MED1: variants seen among roughly 807,000 people sequenced by gnomAD.
MED1 encodes the protein mediator of RNA polymerase II transcription subunit 1.
A neutral mutation model predicts 121.3 loss-of-function variants in MED1; 17 were observed. The observed-to-expected ratio is 0.14, with a 90% CI of 0.10 to 0.21. The LOEUF (loss-of-function observed/expected upper bound fraction) is 0.21. Ranked by LOEUF, MED1 falls within the 10% of genes least tolerant of loss-of-function variation. The pLI is 1.00. For synonymous variants in MED1, 661 were observed against 694.4 expected (o/e 0.95, Z 0.76); for missense variants, 1,558 against 1,919.4 (o/e 0.81, Z 3.52).
At chr17:39,412,006 CAAAA>C (rs72106224) in intron 16 of MED1, among the ~76,000 whole-genome samples, 2 of 133,902 alleles carry the variant, frequency 1.5e-5, no homozygotes, top group African/African-American at 2.9e-5. Flanking sequence ...GACTCCATCT[CAAAA>C]AAAAAAAAAA....
rs145032668 is a variant in MED1, at chr17:39,410,201, C to G, written c.2020G>C (p.Gly674Arg). 6.2e-7 allele frequency: 1 copy of G among 1,613,882 alleles called. No homozygotes were observed. Among genetic ancestry groups the G allele is most frequent in the Non-Finnish European group, 8.5e-7 (1 of 1,180,002 alleles). ...GAGCATATTTCCATGCGGGGTGAGC[C>G]GGAAGAGGAGTTCTGCCTTTCTAAA... ...SPLERQNSSS[G>R]SPRMEICSGS... Residue 674 changes from glycine to arginine, a missense_variant, in exon 17 of 17, where the codon GGC becomes CGC. Physicochemically the swap from Gly to Arg is moderately radical, Grantham distance 125. This residue lies in a region of MED1 where 793 missense variants were observed against 898.2 expected (regional missense o/e 0.88). Coordinates refer to ENST00000300651, the MANE Select transcript of MED1 (RefSeq NM_004774.4).
intron 9 of MED1, among the ~76,000 whole-genome samples, chr17:39,428,415 C>T (rs960087153): frequency 2.6e-5 from 4 of 151,934 alleles, no homozygotes; most frequent in South Asian, 4.2e-4. Context: ...ACCCAGGAAG[C>T]GGAGGTTACA....
Position 39,440,343 on chromosome 17 carries a change from A to G in MED1, c.399+43T>C. The G allele has an allele frequency of 6.6e-7, 1 of 1,522,492 alleles. No homozygotes were observed. Among genetic ancestry groups the G allele is most frequent in the Non-Finnish European group, 8.8e-7 (1 of 1,142,298 alleles). 94.3% of individuals were successfully genotyped at this position (1,522,492 alleles called of 1,614,324 possible). A position where few individuals can be genotyped will look rare whatever the true frequency, so the allele number is the denominator to read the frequency against. ...AATTAATTTTAAAATTAATGTCCCT[A>G]AGTAAACCCCACAGATTCCAGTGAA... is the stretch of plus-strand genomic sequence containing the variant. On this transcript the variant is annotated intron_variant, in intron 5 of 16. Transcript: ENST00000300651. This position sits in a 1 kb window ranked among gnomAD's most constrained non-coding sequence, Gnocchi z 4.1.
intron 5 of MED1, among the ~76,000 whole-genome samples, chr17:39,439,989 G>GAAA (rs1567651952): frequency 4.4e-4 from 40 of 91,934 alleles, no homozygotes; most frequent in African/African-American, 1.7e-3. Context: ...AAAGAAAGAA[G>GAAA]GAAGGAAGGA....
rs762249996 is a variant in MED1 at position 39,410,351 on chromosome 17, G to A, written c.1870C>T (p.Pro624Ser). The A allele has an allele frequency of 1.7e-5, 27 of 1,613,814 alleles. No individual in the cohort carries two copies. The East Asian group carries it at 6.0e-4, about 36-fold the overall frequency. ...GGSTIGSSPT[P>S]PHHTPPPVSS... ...ACAGGTGGCGGCGTGTGATGAGGAG[G>A]GGTCGGACTCGAGCCAATGGTAGAC... The change falls in exon 17 of 17, where the codon CCT (proline) becomes TCT (serine). Residue 624 changes from proline (P) to serine (S), a missense_variant. Pro to Ser is a moderately conservative substitution (Grantham distance 74, BLOSUM62 -1). Around this residue, in one of 5 missense-constraint regions of MED1, gnomAD observed 793 missense variants for 898.2 expected, o/e 0.88. Transcript: ENST00000300651.
rs1567651988 is a variant in MED1 at position 39,440,017 on chromosome 17, G to GGAAGGAAA, written c.399+368_399+369insTTTCCTTC. Among the ~76,000 whole-genome samples the GGAAGGAAA allele has an allele frequency of 7.0e-5, 9 of 128,746 alleles. No homozygotes were observed. The highest frequency in any genetic ancestry group is 2.6e-4 in the South Asian group (1 of 3,850). 84.5% of individuals were successfully genotyped at this position (128,746 alleles called of 152,430 possible). On this transcript the variant is annotated intron_variant, in intron 5 of 16. Coordinates refer to ENST00000300651, the MANE Select transcript of MED1 (RefSeq NM_004774.4). The surrounding 1 kb of genome is among the most constrained non-coding windows in gnomAD (Gnocchi z 4.1). The stretch of plus-strand genomic sequence containing the variant: ...AGGAAGGAAGGAAGGAAGGAAGGAA[G>GGAAGGAAA]GAAAGAAAGAAAGAAAGAGAGAAAG...
intron 7 of MED1, among the ~76,000 whole-genome samples, chr17:39,433,405 T>C (rs1005302093): frequency 6.6e-6 from 1 of 151,326 alleles, no homozygotes; most frequent in African/African-American, 2.4e-5. Context: ...TTTAAAACAT[T>C]AATTCTTGAC....
At chr17:39,416,192 T>G (rs1042663652) in intron 14 of MED1, among the ~76,000 whole-genome samples, 3 of 152,136 alleles carry the variant, frequency 2.0e-5, no homozygotes, top group African/African-American at 7.2e-5. Flanking sequence ...GTAGCTAGAC[T>G]TTCAATTTTC....
At chr17:39,427,235 G>A (rs752612334) in intron 10 of MED1, among the ~76,000 whole-genome samples, 2 of 152,032 alleles carry the variant, frequency 1.3e-5, no homozygotes, top group Non-Finnish European at 2.9e-5. Flanking sequence ...AGACTGGAGT[G>A]CAGTGACGCA....
At chr17:39,436,020 C>T (rs1432956173) in intron 6 of MED1, among the ~76,000 whole-genome samples, 3 of 150,724 alleles carry the variant, frequency 2.0e-5, no homozygotes, top group Non-Finnish European at 3.0e-5. Flanking sequence ...TGCAGTGAGC[C>T]GAGATTGCGC....
intron 8 of MED1, among the ~76,000 whole-genome samples, chr17:39,431,691 T>C (rs1435235534): frequency 6.6e-6 from 1 of 152,222 alleles, no homozygotes; most frequent in Non-Finnish European, 1.5e-5. Flanking sequence ...GTATGTAGTA[T>C]GGTGAACAAA....
intron 7 of MED1, among the ~76,000 whole-genome samples, 159 bp downstream of exon 7, chr17:39,434,090 T>C (rs1158766685): frequency 6.6e-6 from 1 of 152,146 alleles, no homozygotes; most frequent in Non-Finnish European, 1.5e-5. Flanking sequence ...GAAGATATCT[T>C]TGAAAGGCCC....
At position 39,419,601 on chromosome 17, in the gene MED1, A is replaced by G. The variant is rs35749104; in HGVS notation, c.1297+116T>C. 0.021 allele frequency: 13,806 copies of G among 665,678 alleles called. 1,076 individuals carry two copies. The African/African-American group carries it at 0.24, about 11-fold the overall frequency. The allele number at this position is 665,678 out of a possible 1,614,324, so 41.2% of individuals were successfully genotyped here. A position where few individuals can be genotyped will look rare whatever the true frequency, so the allele number is the denominator to read the frequency against. The stretch of plus-strand genomic sequence containing the variant: ...TTGCTTGATTTTTATGCCAAATATG[A>G]AAAAAAAAAAACTTTTTTTAAGTTC... On this transcript the variant is annotated intron_variant, in intron 14 of 16. Transcript: ENST00000300651.
chr17:39,415,411 C>T (rs565799890), intron 14 of MED1, 72 bp from the exon 15 acceptor site: 65 of 1,326,962 alleles, frequency 4.9e-5, no homozygotes, highest in Non-Finnish European at 6.0e-5. Context: ...CGGTGGCTCA[C>T]GCCTGTAATC....
intron 14 of MED1, among the ~76,000 whole-genome samples, chr17:39,415,814 CAAAAAAAAAAAAAAA>C (rs61614470): frequency 2.5e-5 from 1 of 40,634 alleles, no homozygotes; most frequent in Admixed American, 3.8e-4. Context: ...GACTCCATCT[CAAAAAAAAAAAAAAA>C]AAAAAAAAAA....
intron 10 of MED1, among the ~76,000 whole-genome samples, chr17:39,425,230 GT>G (rs1172601457): frequency 1.3e-5 from 2 of 151,820 alleles, no homozygotes; most frequent in East Asian, 3.9e-4. Context: ...GTCTCACTCT[GT>G]CCAGACTGGA....
In MED1 at chr17:39,408,650, T is replaced by C. The variant is rs1198712172; in HGVS notation, c.3571A>G (p.Ile1191Val). The stretch of plus-strand genomic sequence containing the variant: ...GGTGGCCTTGAATGAGAAGGGGATA[T>C]GTTTGGTTTACTTAAAGAAGGATTC... ...LMNPSLSKPN[I>V]SPSHSRPPGG... is the part of the protein sequence containing the mutation. Residue 1191 changes from isoleucine to valine, a missense_variant, in exon 17 of 17, where the codon ATA (isoleucine) becomes GTA (valine). By Grantham distance (29) the Ile-to-Val change is conservative. Transcript: ENST00000300651. The surrounding 1 kb of genome is among the most constrained non-coding windows in gnomAD (Gnocchi z 4.7). 10 of 1,613,974 alleles carry C rather than the reference T, an allele frequency of 6.2e-6. No individual in the cohort carries two copies. Among genetic ancestry groups the C allele is most frequent in the East Asian group, 2.2e-5 (1 of 44,894 alleles).
rs1306307454 is a variant in MED1 at position 39,440,022 on chromosome 17, G to C, written c.399+364C>G. Among the ~76,000 whole-genome samples the C allele has an allele frequency of 1.3e-4, 9 of 70,964 alleles. No homozygotes were observed. The highest frequency in any genetic ancestry group is 3.7e-4 in the Non-Finnish European group (9 of 24,274). The allele number at this position is 70,964 out of a possible 152,430, so 46.6% of individuals were successfully genotyped here. On this transcript the variant is annotated intron_variant, in intron 5 of 16. Transcript: ENST00000300651. The surrounding 1 kb of genome is among the most constrained non-coding windows in gnomAD (Gnocchi z 4.1). ...GGAAGGAAGGAAGGAAGGAAGGAAA[G>C]AAAGAAAGAAAGAGAGAAAGAGAAA... is the stretch of plus-strand genomic sequence containing the variant.
intron 16 of MED1, among the ~76,000 whole-genome samples, chr17:39,411,901 T>A (rs932664591): frequency 6.6e-6 from 1 of 151,752 alleles, no homozygotes; most frequent in Admixed American, 6.6e-5. Context: ...TCCCAACTAC[T>A]TGGGAGGCTG....
Sources: gnomAD v4.1 joint callset for allele counts (sites outside exome capture counted in the v4.1 genomes callset) on GRCh38, gnomAD v4.1.1 for gene constraint, gnomAD v4.1.1 regional missense constraint, Gnocchi (gnomAD v3.1) non-coding constraint, MANE v1.5 for transcripts, NCBI Gene and HGNC (gene_info 2026-07-23, HGNC 2026-07-21) for gene names.